Variants in OSBPL10 observed in about 807,000 individuals in gnomAD.
OSBPL10 encodes oxysterol binding protein like 10.
OSBPL10 carries 49 observed loss-of-function variants against 81.7 expected under a neutral mutation model. The ratio of observed to expected loss-of-function variants is 0.60; its 90% confidence interval spans 0.48 to 0.76. The LOEUF (loss-of-function observed/expected upper bound fraction) is 0.76, where lower values mean the gene tolerates loss of function less well. Ranked by LOEUF, OSBPL10 falls within the 30% of genes least tolerant of loss-of-function variation. OSBPL10 has a pLI of 0.00. For missense variants in OSBPL10, 923 were observed against 987.8 expected (o/e 0.93, Z 0.88); for synonymous variants, 419 against 383.6 (o/e 1.09, Z -1.08).
At chr3:31,662,708 C>T (rs1484473563) in intron 11 of OSBPL10, 15 of 985,464 alleles carry the variant, frequency 1.5e-5, no homozygotes, top group Non-Finnish European at 1.8e-5. Context: ...GTTCCCAGCC[C>T]TTCTGTTATG....
chr3:31,895,574 T>C (rs540531667), intron 1 of OSBPL10, among the ~76,000 whole-genome samples: 1 of 152,330 alleles, frequency 6.6e-6, no homozygotes, highest in Admixed American at 6.5e-5. Context: ...GTGGAGAATC[T>C]GTGATGGACT....
chr3:31,804,682 C>T lies in OSBPL10; in HGVS notation c.729+25358G>A, dbSNP rs193165856. Among the ~76,000 whole-genome samples the T allele has an allele frequency of 2.9e-4, 44 of 152,322 alleles. No individual in the cohort carries two copies. In the East Asian group the frequency reaches 6.8e-3, roughly 23 times the overall value. On this transcript the variant is annotated intron_variant, in intron 4 of 11. Coordinates refer to ENST00000396556, the MANE Select transcript of OSBPL10 (RefSeq NM_017784.5). ...CCATAACGTAACAGCGCCTACCAAACGCGCTTCATGAGGACAAGATGTAAT... is the reference window on the plus strand; with the variant it reads ...CCATAACGTAACAGCGCCTACCAAATGCGCTTCATGAGGACAAGATGTAAT...
intron 8 of OSBPL10, among the ~76,000 whole-genome samples, chr3:31,683,059 G>A (rs1007886884): frequency 1.3e-5 from 2 of 152,164 alleles, no homozygotes; most frequent in African/African-American, 4.8e-5. Context: ...ATTTAACAAG[G>A]ATTATTATAG....
chr3:31,884,432 A>G (rs777842034), intron 1 of OSBPL10, among the ~76,000 whole-genome samples: 14 of 152,242 alleles, frequency 9.2e-5, no homozygotes, highest in Non-Finnish European at 2.1e-4. Flanking sequence ...GACTAGAAAA[A>G]AATTGCAACA....
intron 1 of OSBPL10, among the ~76,000 whole-genome samples, chr3:31,946,169 C>T (rs181667506): frequency 9.2e-5 from 14 of 152,008 alleles, no homozygotes; most frequent in Admixed American, 8.5e-4. Context: ...TTAGTAGAGA[C>T]AGGGTTTCAC....
intron 4 of OSBPL10, among the ~76,000 whole-genome samples, chr3:31,757,066 G>C (rs893193144): frequency 4.6e-5 from 7 of 152,116 alleles, no homozygotes; most frequent in Admixed American, 1.3e-4. Context: ...TTCCTATGCA[G>C]CTTATTTTTG....
At chr3:31,909,850 T>C (rs1431442275) in intron 1 of OSBPL10, among the ~76,000 whole-genome samples, 1 of 152,088 alleles carries the variant, frequency 6.6e-6, no homozygotes, top group Non-Finnish European at 1.5e-5. Context: ...CCTAACACCA[T>C]TTTTTTAAAA....
At chr3:31,938,351 T>A (rs1237143080) in intron 1 of OSBPL10, among the ~76,000 whole-genome samples, 9 of 152,050 alleles carry the variant, frequency 5.9e-5, no homozygotes, top group Non-Finnish European at 1.5e-5. Flanking sequence ...CCTTCTCTGT[T>A]CCTCTCCTCA....
At chr3:31,926,035 C>T (rs772577845) in intron 1 of OSBPL10, among the ~76,000 whole-genome samples, 50 of 152,146 alleles carry the variant, frequency 3.3e-4, no homozygotes, top group Middle Eastern at 3.4e-3. Flanking sequence ...AGTAACCACT[C>T]TCTTATCTTT....
At position 31,687,797 on chromosome 3, in the gene OSBPL10, G is replaced by A. The variant is rs531564351; in HGVS notation, c.1246-3683C>T. On this transcript the variant is annotated intron_variant, in intron 7 of 11. Coordinates refer to ENST00000396556, the MANE Select transcript of OSBPL10 (RefSeq NM_017784.5). Reference sequence around the variant, plus strand: ...GGATTAAGAAGAGGGGGAAGAGCCAGGTATGGTGCCTTGTGCCTGTAATCC... The same window carrying A: ...GGATTAAGAAGAGGGGGAAGAGCCAAGTATGGTGCCTTGTGCCTGTAATCC... Among the ~76,000 whole-genome samples, 363 of 152,194 alleles carry A rather than the reference G, an allele frequency of 2.4e-3. 2 individuals are homozygous for A. The highest frequency in any genetic ancestry group is 8.1e-3 in the African/African-American group (336 of 41,500).
chr3:31,920,280 A>T (rs1357397036), intron 1 of OSBPL10, among the ~76,000 whole-genome samples: 1 of 152,224 alleles, frequency 6.6e-6, no homozygotes, highest in African/African-American at 2.4e-5. Context: ...TCCAACACAA[A>T]GAGTGAACCT....
chr3:31,733,770 T>C (rs1014460383), intron 5 of OSBPL10, among the ~76,000 whole-genome samples: 3 of 146,056 alleles, frequency 2.1e-5, no homozygotes, highest in African/African-American at 7.6e-5. Flanking sequence ...TCCCAGCACT[T>C]TGGGAGGCCG....
chr3:31,697,645 C>T (rs536886765), intron 7 of OSBPL10, among the ~76,000 whole-genome samples: 1 of 152,250 alleles, frequency 6.6e-6, no homozygotes, highest in African/African-American at 2.4e-5. Flanking sequence ...ATCTTTTATT[C>T]CTCTCTCTCA....
At chr3:31,721,063 G>A (rs1364371816) in intron 6 of OSBPL10, among the ~76,000 whole-genome samples, 3 of 152,118 alleles carry the variant, frequency 2.0e-5, no homozygotes, top group South Asian at 2.1e-4. Flanking sequence ...GCCCTTAAGA[G>A]TGGAAGAGGG....
intron 2 of OSBPL10, among the ~76,000 whole-genome samples, chr3:31,993,548 C>G (rs1306198493): frequency 6.6e-6 from 1 of 152,286 alleles, no homozygotes; most frequent in East Asian, 1.9e-4. Flanking sequence ...TGAGCATTCA[C>G]TTCACCAAAT....
At chr3:32,009,934 C>T (rs151042199) in intron 2 of OSBPL10, among the ~76,000 whole-genome samples, 1 of 152,314 alleles carries the variant, frequency 6.6e-6, no homozygotes, top group East Asian at 1.9e-4. Flanking sequence ...TCGTTATAGG[C>T]TGAATTGTTT....
At chr3:31,992,569 G>A (rs1175647581) in intron 2 of OSBPL10, among the ~76,000 whole-genome samples, 1 of 152,082 alleles carries the variant, frequency 6.6e-6, no homozygotes, top group Non-Finnish European at 1.5e-5. Context: ...CCAATCTCTG[G>A]TTCTGTCATT....
At chr3:31,905,016 A>G (rs186947961) in intron 1 of OSBPL10, among the ~76,000 whole-genome samples, 1 of 152,374 alleles carries the variant, frequency 6.6e-6, no homozygotes, top group Admixed American at 6.5e-5. Context: ...ATCGAGTAAT[A>G]GAAGTATCTA....
intron 1 of OSBPL10, among the ~76,000 whole-genome samples, chr3:31,910,855 T>A (rs1233414886): frequency 1.3e-5 from 2 of 152,176 alleles, no homozygotes; most frequent in Non-Finnish European, 2.9e-5. Context: ...TTAAATTAAT[T>A]TCCTAATAAA....
Sources: allele counts gnomAD v4.1 joint callset (sites outside exome capture counted in the v4.1 genomes callset), GRCh38; gene constraint gnomAD v4.1.1; transcripts MANE v1.5; gene names NCBI Gene and HGNC (gene_info 2026-07-23, HGNC 2026-07-21).